Variants in METTL15 observed in about 807,000 individuals in gnomAD.
The protein encoded by METTL15 is methyltransferase 15, mitochondrial 12S rRNA N4-cytidine.
Under a neutral mutation model 38.3 loss-of-function variants are expected in METTL15, and 34 were observed. The observed-to-expected ratio is 0.89, with a 90% CI of 0.68 to 1.18. The LOEUF (loss-of-function observed/expected upper bound fraction) is 1.18, where lower values mean the gene tolerates loss of function less well. Ranked by LOEUF, METTL15 falls within the 50% of genes most tolerant of loss-of-function variation. METTL15 has a pLI of 0.00. For synonymous variants in METTL15, 162 were observed against 170.9 expected, an observed-to-expected ratio of 0.95 and a Z score of 0.41; for missense variants, 438 against 498.4, an observed-to-expected ratio of 0.88 and a Z score of 1.15.
At chr11:28,122,650 G>C (rs1303360642) in intron 3 of METTL15, among the ~76,000 whole-genome samples, 24 of 151,184 alleles carry the variant, frequency 1.6e-4, no homozygotes, top group Admixed American at 1.6e-3. Flanking sequence ...AATAATTACA[G>C]TGTATATTGA....
chr11:28,374,744 A>G (rs1282841882), intron 5 of METTL15, among the ~76,000 whole-genome samples: 2 of 151,236 alleles, frequency 1.3e-5, no homozygotes, highest in African/African-American at 4.9e-5. Context: ...GTCTTGTGCC[A>G]GTTTTCAAAG....
chr11:28,122,884 T>A (rs893801142), intron 3 of METTL15, among the ~76,000 whole-genome samples: 5 of 152,072 alleles, frequency 3.3e-5, no homozygotes, highest in African/African-American at 1.2e-4. Context: ...GGTCCCAAAC[T>A]AATTCTTTGC....
intron 5 of METTL15, among the ~76,000 whole-genome samples, chr11:28,388,574 A>C (rs1001164673): frequency 6.6e-6 from 1 of 152,186 alleles, no homozygotes; most frequent in Admixed American, 6.6e-5. Context: ...AATAAATGTA[A>C]AGACATTCTG....
chr11:28,435,072 C>T, intron 6 of METTL15, among the ~76,000 whole-genome samples: 1 of 152,086 alleles, frequency 6.6e-6, no homozygotes, highest in East Asian at 1.9e-4. Context: ...AACCTGTGTC[C>T]CCTAATTTGC....
At chr11:28,239,347 A>T (rs1003792032) in intron 4 of METTL15, among the ~76,000 whole-genome samples, 52 of 152,356 alleles carry the variant, frequency 3.4e-4, no homozygotes, top group African/African-American at 1.2e-3. Context: ...ATAATAAAAA[A>T]GCATACTAAT....
At chr11:28,343,994 C>T (rs1478773362) in intron 3 of METTL15, among the ~76,000 whole-genome samples, 5 of 152,270 alleles carry the variant, frequency 3.3e-5, no homozygotes, top group Middle Eastern at 3.4e-3. Flanking sequence ...TTATAACATT[C>T]GTTTAAGGTG....
chr11:28,446,466 G>T (rs1458982106), intron 6 of METTL15, among the ~76,000 whole-genome samples: 1 of 152,016 alleles, frequency 6.6e-6, no homozygotes, highest in Non-Finnish European at 1.5e-5. Context: ...TGTCTGTGAG[G>T]CGTGAGCCCT....
At position 28,315,538 on chromosome 11, in the gene METTL15, A is replaced by G. The variant is rs527379082; in HGVS notation, c.779-14858A>G. ...ATTTGCAGCCTGACAATGTGATAGA[A>G]AAGAAATCCCATTTTCTGAGGAGAA... On this transcript the variant is annotated intron_variant, in intron 6 of 6. Transcript: ENST00000407364. Among the ~76,000 whole-genome samples the G allele has an allele frequency of 6.4e-4, 98 of 152,336 alleles. 1 individual carries two copies. The highest frequency in any genetic ancestry group is 6.8e-3 in the Middle Eastern group (2 of 294).
At chr11:28,193,437 C>T (rs868168120) in intron 3 of METTL15, among the ~76,000 whole-genome samples, 24 of 151,942 alleles carry the variant, frequency 1.6e-4, no homozygotes, top group South Asian at 2.1e-4. Context: ...TTTAAACAAT[C>T]GGATCTTGTA....
At chr11:28,500,008 ATTTT>A (rs11325215) in intron 6 of METTL15, among the ~76,000 whole-genome samples, 1 of 145,100 alleles carries the variant, frequency 6.9e-6, no homozygotes, top group Admixed American at 6.9e-5. Context: ...TGGAATTGCT[ATTTT>A]TTTTTTTTTT....
chr11:28,218,900 G>T (rs1853043854), intron 4 of METTL15, among the ~76,000 whole-genome samples: 1 of 152,118 alleles, frequency 6.6e-6, no homozygotes, highest in South Asian at 2.1e-4. Flanking sequence ...TGCATCCCAG[G>T]GATGAAGCCC....
intron 5 of METTL15, among the ~76,000 whole-genome samples, chr11:28,417,337 T>A (rs1160947728): frequency 6.6e-6 from 1 of 152,208 alleles, no homozygotes; most frequent in Middle Eastern, 3.2e-3. Context: ...AAAATATCAC[T>A]TATGGTAGTA....
In METTL15 at chr11:28,357,907, T is replaced by C. The variant is rs1850103613; in HGVS notation, c.*259-4030T>C. ...GAGAAGAACAATGTAATATGTCAAG[T>C]GTTATTGGCAGAATTTGGGCCCCCA... On this transcript the variant is annotated intron_variant and NMD_transcript_variant, in intron 4 of 7. Transcript: ENST00000532947. Among the ~76,000 whole-genome samples the C allele has an allele frequency of 1.3e-5, 2 of 152,056 alleles. 1 individual carries two copies. Among genetic ancestry groups the C allele is most frequent in the South Asian group, 4.2e-4 (2 of 4,814 alleles).
At chr11:28,446,801 G>T (rs973478070) in intron 6 of METTL15, among the ~76,000 whole-genome samples, 2 of 151,960 alleles carry the variant, frequency 1.3e-5, no homozygotes, top group African/African-American at 2.4e-5. Context: ...AAGAAAAGAA[G>T]AAAATTTCTT....
chr11:28,439,096 T>C (rs1851010458), intron 6 of METTL15, among the ~76,000 whole-genome samples: 2 of 152,172 alleles, frequency 1.3e-5, no homozygotes, highest in African/African-American at 4.8e-5. Flanking sequence ...AAGTGGAAGC[T>C]GTTACCCTTT....
intron 4 of METTL15, among the ~76,000 whole-genome samples, chr11:28,236,431 T>C (rs532755201): frequency 3.3e-5 from 5 of 152,306 alleles, no homozygotes; most frequent in Non-Finnish European, 7.4e-5. Context: ...TGAATCCATC[T>C]GGTCCTGGAC....
In METTL15 at chr11:28,320,856, A is replaced by G. The variant is rs546774404; in HGVS notation, c.779-9540A>G. ...TTTTTTTAAAGACAATTTTTTTCAT[A>G]CTTAAGTCATTGTAAGTCTCTATAC... On this transcript the variant is annotated intron_variant, in intron 6 of 6. Coordinates refer to ENST00000407364, the MANE Select transcript of METTL15 (RefSeq NM_001113528.2). Among the ~76,000 whole-genome samples, 21 of 152,242 alleles carry G rather than the reference A, an allele frequency of 1.4e-4. 1 individual carries two copies. In the Middle Eastern group the frequency reaches 0.024, roughly 173 times the overall value.
At chr11:28,267,020 C>T (rs977874563) in intron 4 of METTL15, among the ~76,000 whole-genome samples, 3 of 151,818 alleles carry the variant, frequency 2.0e-5, no homozygotes, top group South Asian at 4.1e-4. Context: ...ATTACCTGAG[C>T]GTGGTGGTGG....
At chr11:28,195,465 G>T (rs1590139069) in intron 3 of METTL15, among the ~76,000 whole-genome samples, 1 of 152,038 alleles carries the variant, frequency 6.6e-6, no homozygotes, top group East Asian at 1.9e-4. Context: ...CTTATGATTA[G>T]TGATGTTGAG....
Sources: allele counts gnomAD v4.1 joint callset (sites outside exome capture counted in the v4.1 genomes callset), GRCh38; gene constraint gnomAD v4.1.1; transcripts MANE v1.5; gene names NCBI Gene and HGNC (gene_info 2026-07-23, HGNC 2026-07-21).